TRPM6: variants seen among roughly 807,000 people sequenced by gnomAD.
TRPM6 encodes the protein transient receptor potential cation channel subfamily M member 6.
TRPM6 carries 111 observed loss-of-function variants against 247.6 expected under a neutral mutation model. The observed-to-expected ratio is 0.45, with a 90% CI of 0.38 to 0.52. The LOEUF (loss-of-function observed/expected upper bound fraction) is 0.52. Among genes scored for constraint, TRPM6 ranks in the 20% least tolerant of loss-of-function variants. TRPM6 has a pLI of 0.00. For synonymous variants in TRPM6, 892 were observed against 853.8 expected, an observed-to-expected ratio of 1.04 and a Z score of -0.78; for missense variants, 2,126 against 2,421.5, an observed-to-expected ratio of 0.88 and a Z score of 2.56.
rs138021809 is a variant in TRPM6, at chr9:74,723,386, G to T, written c.*1227C>A. 6.6e-6 allele frequency: 1 copy of T among 151,938 alleles called. No individual in the cohort carries two copies. Among genetic ancestry groups the T allele is most frequent in the African/African-American group, 2.4e-5 (1 of 41,330 alleles). The allele number at this position is 151,938 out of a possible 1,614,324, so 9.4% of individuals were successfully genotyped here. A position where few individuals can be genotyped will look rare whatever the true frequency, so the allele number is the denominator to read the frequency against. On this transcript the variant is annotated 3_prime_UTR_variant, in exon 39 of 39. Transcript: ENST00000360774. ...AATATTATATATACAACTTTGGAAG[G>T]AGGAGTGGTGTTTTACAGGTTGAGT... is the stretch of plus-strand genomic sequence containing the variant.
chr9:74,825,121 G>A (rs554153500), intron 7 of TRPM6, among the ~76,000 whole-genome samples: 3 of 152,132 alleles, frequency 2.0e-5, no homozygotes, highest in Non-Finnish European at 4.4e-5. Context: ...AATTAGCCGG[G>A]TGTGGTGGCA....
At chr9:74,830,749 G>GTTTTTTTTTT (rs71368685) in intron 6 of TRPM6, among the ~76,000 whole-genome samples, 3 of 87,264 alleles carry the variant, frequency 3.4e-5, no homozygotes, top group African/African-American at 5.1e-5. Flanking sequence ...GCTAATTTTT[G>GTTTTTTTTTT]TTTTTTTTTT....
intron 1 of TRPM6, among the ~76,000 whole-genome samples, chr9:74,863,898 T>A (rs1361951507): frequency 4.0e-5 from 6 of 151,336 alleles, no homozygotes; most frequent in Admixed American, 1.3e-4. Flanking sequence ...CTTTTTTTTT[T>A]TAAAAAAACA....
rs938691115 is a variant in TRPM6 at position 74,766,381 on chromosome 9, G to T, written c.3537-3247C>A. 9.2e-5 allele frequency among the ~76,000 whole-genome samples: 14 copies of T among 152,290 alleles called. No individual in the cohort carries two copies. The South Asian group carries it at 2.1e-3, about 23-fold the overall frequency. On this transcript the variant is annotated intron_variant, in intron 25 of 38. Transcript: ENST00000360774. ...AATTTATAATTTTAGTTTCCTCCAT[G>T]CAAGGTACGAGGATGGAAGAAAGAT...
At chr9:74,784,888 G>A (rs1827591544) in intron 21 of TRPM6, among the ~76,000 whole-genome samples, 1 of 152,142 alleles carries the variant, frequency 6.6e-6, no homozygotes, top group Admixed American at 6.5e-5. Context: ...GAGGCAGGAG[G>A]ATCATTTGAG....
intron 17 of TRPM6, among the ~76,000 whole-genome samples, chr9:74,799,112 T>A (rs1828208906): frequency 6.6e-6 from 1 of 152,192 alleles, no homozygotes. Context: ...CTGAAAACAA[T>A]TATTGTTTCT....
intron 3 of TRPM6, among the ~76,000 whole-genome samples, chr9:74,852,546 A>G (rs1474780950): frequency 6.6e-6 from 1 of 151,444 alleles, no homozygotes; most frequent in Non-Finnish European, 1.5e-5. Context: ...ATGCCTAGCC[A>G]AGGCGGACTG....
intron 1 of TRPM6, among the ~76,000 whole-genome samples, chr9:74,876,191 C>A (rs1219198275): frequency 2.0e-5 from 3 of 152,200 alleles, no homozygotes; most frequent in Non-Finnish European, 4.4e-5. Flanking sequence ...TCAAGCAATT[C>A]TCTTGCCTCA....
At chr9:74,887,308 G>T in intron 1 of TRPM6, 1 of 1,371,080 alleles carries the variant, frequency 7.3e-7, no homozygotes, top group Non-Finnish European at 9.4e-7. Flanking sequence ...GGGCGCGGAG[G>T]GACGGCCGTC....
chr9:74,794,054 A>T (rs1168348675), intron 18 of TRPM6, among the ~76,000 whole-genome samples: 2 of 152,188 alleles, frequency 1.3e-5, no homozygotes, highest in Non-Finnish European at 2.9e-5. Context: ...GAAAAGAAGC[A>T]TTTATAGCCT....
chr9:74,791,919 G>C (rs1009818825), intron 19 of TRPM6, among the ~76,000 whole-genome samples: 1 of 152,088 alleles, frequency 6.6e-6, no homozygotes, highest in African/African-American at 2.4e-5. Flanking sequence ...ATCACGCCCG[G>C]CTACTTTTTT....
intron 5 of TRPM6, among the ~76,000 whole-genome samples, chr9:74,834,700 C>T (rs145462912): frequency 0.011 from 1,521 of 143,430 alleles, 27 homozygotes; most frequent in African/African-American, 0.037. Flanking sequence ...TGAGTGAGAA[C>T]ATGCGGTGTC....
intron 37 of TRPM6, among the ~76,000 whole-genome samples, chr9:74,731,382 T>C (rs991411537): frequency 1.3e-5 from 2 of 152,066 alleles, no homozygotes; most frequent in African/African-American, 2.4e-5. Context: ...AAAAACACTT[T>C]AGCAGAGCTA....
intron 3 of TRPM6, among the ~76,000 whole-genome samples, chr9:74,844,813 T>G (rs1830056692): frequency 6.6e-6 from 1 of 152,252 alleles, no homozygotes; most frequent in Admixed American, 6.5e-5. Flanking sequence ...ATCTCAGCTT[T>G]CAACATGCCT....
intron 7 of TRPM6, 169 bp downstream of exon 7, chr9:74,827,609 G>C (rs1243683135): frequency 1.4e-6 from 1 of 730,378 alleles, no homozygotes; most frequent in Non-Finnish European, 2.5e-6. Flanking sequence ...TGGATACATG[G>C]AGGGAGAGAG....
chr9:74,843,640 C>T (rs1368562187), intron 3 of TRPM6, among the ~76,000 whole-genome samples: 1 of 150,614 alleles, frequency 6.6e-6, no homozygotes, highest in Non-Finnish European at 1.5e-5. Flanking sequence ...AACCCCGTCT[C>T]TACTAAAAAA....
At chr9:74,726,571 C>T (rs1825333892) in intron 38 of TRPM6, among the ~76,000 whole-genome samples, 1 of 152,126 alleles carries the variant, frequency 6.6e-6, no homozygotes, top group Admixed American at 6.5e-5. Context: ...ATTATCTCAA[C>T]CTTAATCATA....
intron 5 of TRPM6, among the ~76,000 whole-genome samples, chr9:74,839,583 C>T (rs915778463): frequency 6.6e-6 from 1 of 152,076 alleles, no homozygotes; most frequent in Admixed American, 6.6e-5. Flanking sequence ...GATTCGATGT[C>T]CCTTCTAGCC....
chr9:74,792,785 A>T lies in TRPM6; in HGVS notation c.2392-15T>A, dbSNP rs201278391. On this transcript the variant is annotated splice_polypyrimidine_tract_variant and intron_variant, in intron 18 of 38. Coordinates refer to ENST00000360774, the MANE Select transcript of TRPM6 (RefSeq NM_017662.5). ...TCATACTCTTTCTATAAAATAAACA[A>T]ATAATCATTTTCTTGTCAGCAGCTT... The T allele has an allele frequency of 1.5e-5, 24 of 1,610,782 alleles. No individual in the cohort carries two copies. Among genetic ancestry groups the T allele is most frequent in the Non-Finnish European group, 2.0e-5 (24 of 1,177,094 alleles).
Sources: allele counts gnomAD v4.1 joint callset (sites outside exome capture counted in the v4.1 genomes callset), GRCh38; gene constraint gnomAD v4.1.1; transcripts MANE v1.5; gene names NCBI Gene and HGNC (gene_info 2026-07-23, HGNC 2026-07-21).